KIAA1549: variants seen among roughly 807,000 people sequenced by gnomAD.
KIAA1549 encodes the protein KIAA1549, also known as UPF0606 protein KIAA1549.
KIAA1549 carries 70 observed loss-of-function variants against 156.4 expected under a neutral mutation model. The observed-to-expected ratio is 0.45, with a 90% CI of 0.37 to 0.55. The LOEUF (loss-of-function observed/expected upper bound fraction) is 0.55, where lower values mean the gene tolerates loss of function less well. Ranked by LOEUF, KIAA1549 falls within the 20% of genes least tolerant of loss-of-function variation. The pLI, the probability that KIAA1549 is intolerant of heterozygous loss-of-function variation, is 0.00. For missense variants in KIAA1549, 2,428 were observed against 2,540.9 expected (o/e 0.96, Z 0.96); for synonymous variants, 1,103 against 1,066.4 (o/e 1.03, Z -0.67).
Position 138,837,195 on chromosome 7 carries a change from G to T in KIAA1549, c.*711C>A. On this transcript the variant is annotated 3_prime_UTR_variant, in exon 20 of 20. Transcript: ENST00000422774. Reference sequence around the variant, plus strand: ...CTTTGGGAGGGATTTTTTTTTTCTAGAACAAAATGAAACCTTCAACATATT... The same window carrying T: ...CTTTGGGAGGGATTTTTTTTTTCTATAACAAAATGAAACCTTCAACATATT... The T allele has an allele frequency of 4.4e-6, 1 of 225,214 alleles. No individual in the cohort carries two copies. The highest frequency in any genetic ancestry group is 8.8e-6 in the Non-Finnish European group (1 of 113,490). The allele number at this position is 225,214 out of a possible 1,614,324, so 14.0% of individuals were successfully genotyped here.
chr7:138,966,868 T>A (rs184180458), intron 1 of KIAA1549, among the ~76,000 whole-genome samples: 1 of 152,288 alleles, frequency 6.6e-6, no homozygotes, highest in East Asian at 1.9e-4. Flanking sequence ...AGCACAGTGC[T>A]GCTGACACCT....
intron 9 of KIAA1549, among the ~76,000 whole-genome samples, chr7:138,896,743 G>T (rs1811695271): frequency 6.6e-6 from 1 of 151,698 alleles, no homozygotes; most frequent in Non-Finnish European, 1.5e-5. Flanking sequence ...CCACAGGCAT[G>T]CCCCACCATG....
chr7:138,937,860 T>C (rs1260691566), intron 1 of KIAA1549, among the ~76,000 whole-genome samples: 1 of 152,134 alleles, frequency 6.6e-6, no homozygotes, highest in Non-Finnish European at 1.5e-5. Flanking sequence ...AGAAAGATGA[T>C]CATTGGGGTC....
chr7:138,849,555 T>C (rs188977275), intron 17 of KIAA1549, among the ~76,000 whole-genome samples: 196 of 148,518 alleles, frequency 1.3e-3, no homozygotes, highest in African/African-American at 4.4e-3. Context: ...GAAATTTTCT[T>C]TTTTTTTTTT....
At chr7:138,867,846 G>C in intron 15 of KIAA1549, 129 bp downstream of exon 15, 1 of 987,232 alleles carries the variant, frequency 1.0e-6, no homozygotes, top group South Asian at 1.6e-5. Flanking sequence ...TGGTGCATCA[G>C]CCATCAGGCA....
chr7:138,898,201 G>T (rs892419749), intron 9 of KIAA1549, among the ~76,000 whole-genome samples: 2 of 151,648 alleles, frequency 1.3e-5, no homozygotes, highest in African/African-American at 4.8e-5. Context: ...CAGCTACTTG[G>T]GAGGCTGAGG....
intron 1 of KIAA1549, among the ~76,000 whole-genome samples, chr7:138,931,610 G>C (rs1812873610): frequency 6.6e-6 from 1 of 152,074 alleles, no homozygotes; most frequent in South Asian, 2.1e-4. Context: ...AAACTAGCCA[G>C]GCGTGGTGGC....
At chr7:138,924,383 C>T (rs576964693) in intron 1 of KIAA1549, among the ~76,000 whole-genome samples, 2 of 152,006 alleles carry the variant, frequency 1.3e-5, no homozygotes, top group African/African-American at 4.8e-5. Flanking sequence ...TAGATCTGAA[C>T]AAGGAGCAAA....
rs78599790 is a variant in KIAA1549, at chr7:138,873,686, C to T, written c.4346-2324G>A. Among the ~76,000 whole-genome samples, 1,443 of 151,708 alleles carry T rather than the reference C, an allele frequency of 9.5e-3. 24 individuals are homozygous for T. Among genetic ancestry groups the T allele is most frequent in the African/African-American group, 0.033 (1,359 of 41,308 alleles). On this transcript the variant is annotated intron_variant, in intron 12 of 19. Coordinates refer to ENST00000422774, the MANE Select transcript of KIAA1549 (RefSeq NM_001164665.2). ...GGAGCAGCAGCCTAAGACTGGGCTC[C>T]TGTCCAGAGCCCGGCTCACCCCCTC...
intron 1 of KIAA1549, among the ~76,000 whole-genome samples, chr7:138,975,789 T>C (rs551976260): frequency 1.3e-5 from 2 of 152,290 alleles, no homozygotes; most frequent in African/African-American, 4.8e-5. Context: ...TCTGGGAAAA[T>C]CAACCTAGTG....
chr7:138,973,470 T>C (rs1355873739), intron 1 of KIAA1549, among the ~76,000 whole-genome samples: 1 of 152,126 alleles, frequency 6.6e-6, no homozygotes, highest in Non-Finnish European at 1.5e-5. Context: ...CTGGCTCTCA[T>C]ATCACTATTT....
chr7:138,979,807 G>A (rs930826064), intron 1 of KIAA1549, among the ~76,000 whole-genome samples: 4 of 152,294 alleles, frequency 2.6e-5, no homozygotes, highest in East Asian at 1.9e-4. Flanking sequence ...CCCAGCTATG[G>A]GAAATCTCTG....
Position 138,834,815 on chromosome 7 carries a change from C to A in KIAA1549, c.*3091G>T. 1 of 232,260 alleles carries A rather than the reference C, an allele frequency of 4.3e-6. No individual in the cohort carries two copies. The highest frequency in any genetic ancestry group is 8.5e-6 in the Non-Finnish European group (1 of 117,444). The allele number at this position is 232,260 out of a possible 1,614,324, so 14.4% of individuals were successfully genotyped here. A position where few individuals can be genotyped will look rare whatever the true frequency, so the allele number is the denominator to read the frequency against. Reference sequence around the variant, plus strand: ...CTACATTTTCACAGTGCTTTATGCTCCCTCCTCACAGGACATCTGCACACA... The same window carrying A: ...CTACATTTTCACAGTGCTTTATGCTACCTCCTCACAGGACATCTGCACACA... On this transcript the variant is annotated 3_prime_UTR_variant, in exon 20 of 20. Transcript: ENST00000422774.
At chr7:138,877,690 A>G (rs979658718) in intron 12 of KIAA1549, among the ~76,000 whole-genome samples, 3 of 152,214 alleles carry the variant, frequency 2.0e-5, no homozygotes, top group African/African-American at 4.8e-5. Flanking sequence ...CTATCTTTCT[A>G]CAACATGAAA....
At chr7:138,861,529 T>C in intron 15 of KIAA1549, 73 bp from the exon 16 acceptor site, 4 of 1,180,156 alleles carry the variant, frequency 3.4e-6, no homozygotes, top group Non-Finnish European at 3.7e-6. Flanking sequence ...TTCCTGACAT[T>C]GAGGAAAAGT....
chr7:138,903,059 G>C (rs1390456853), intron 8 of KIAA1549, among the ~76,000 whole-genome samples: 2 of 151,996 alleles, frequency 1.3e-5, no homozygotes, highest in African/African-American at 2.4e-5. Flanking sequence ...AGGCGATTTT[G>C]CTCAGAAAAT....
At chr7:138,846,637 T>C (rs1395935333) in intron 17 of KIAA1549, among the ~76,000 whole-genome samples, 1 of 150,966 alleles carries the variant, frequency 6.6e-6, no homozygotes, top group African/African-American at 2.4e-5. Flanking sequence ...AGGGAAATAA[T>C]ATCTTAGTAA....
chr7:138,844,085 G>A (rs1035715090), intron 18 of KIAA1549, among the ~76,000 whole-genome samples: 2 of 152,124 alleles, frequency 1.3e-5, no homozygotes, highest in Non-Finnish European at 2.9e-5. Context: ...TGGAGGAAGC[G>A]TGCCGTGAAT....
intron 10 of KIAA1549, among the ~76,000 whole-genome samples, chr7:138,888,059 A>T (rs1213928498): frequency 6.6e-6 from 1 of 152,176 alleles, no homozygotes; most frequent in East Asian, 1.9e-4. Context: ...TTATCTGTCT[A>T]TGTGACAACT....
Sources: allele counts gnomAD v4.1 joint callset (sites outside exome capture counted in the v4.1 genomes callset), GRCh38; gene constraint gnomAD v4.1.1; transcripts MANE v1.5; gene names NCBI Gene and HGNC (gene_info 2026-07-23, HGNC 2026-07-21).